The following UGP2 variants were observed in gnomAD, a reference collection of about 807,000 sequenced individuals.
The protein encoded by UGP2 is UDP-glucose pyrophosphorylase 2, also known as UTP--glucose-1-phosphate uridylyltransferase.
Under a neutral mutation model 49.0 loss-of-function variants are expected in UGP2, and 40 were observed. The observed-to-expected ratio is 0.82, with a 90% CI of 0.63 to 1.06. The LOEUF (loss-of-function observed/expected upper bound fraction) is 1.06. Among genes scored for constraint, UGP2 ranks in the 50% least tolerant of loss-of-function variants. The pLI is 0.00. For synonymous variants in UGP2, 225 were observed against 213.0 expected (o/e 1.06, Z -0.49); for missense variants, 460 against 603.5 (o/e 0.76, Z 2.49).
In UGP2 at chr2:63,885,571, A is replaced by C; in HGVS notation, c.576-18A>C. On this transcript the variant is annotated intron_variant, in intron 5 of 9. Transcript: ENST00000337130. ...TCTACAGGGTCAATATTGAAAAAGA[A>C]CTTTTTTTTTTTTAAAGGTACCCGA... The C allele has an allele frequency of 6.7e-7, 1 of 1,483,986 alleles. No individual in the cohort carries two copies. Among genetic ancestry groups the C allele is most frequent in the Non-Finnish European group, 9.0e-7 (1 of 1,109,022 alleles). 91.9% of individuals were successfully genotyped at this position (1,483,986 alleles called of 1,614,324 possible). A position where few individuals can be genotyped will look rare whatever the true frequency, so the allele number is the denominator to read the frequency against.
rs1279055317 is a variant in UGP2 at position 63,842,101 on chromosome 2, C to G, written c.-85C>G. 8 of 1,479,490 alleles carry G rather than the reference C, an allele frequency of 5.4e-6. No homozygotes were observed. In the East Asian group the frequency reaches 1.4e-4, roughly 25 times the overall value. 91.6% of individuals were successfully genotyped at this position (1,479,490 alleles called of 1,614,324 possible). On this transcript the variant is annotated 5_prime_UTR_variant, in exon 1 of 10. Transcript: ENST00000337130. Reference sequence around the variant, plus strand: ...AGAAAGAATACATCGGTTGTTAAAGCAGGAGAGGAAGAGAGACCTGCCCTG... The same window carrying G: ...AGAAAGAATACATCGGTTGTTAAAGGAGGAGAGGAAGAGAGACCTGCCCTG...
chr2:63,856,720 A>G, intron 2 of UGP2: 1 of 490,634 alleles, frequency 2.0e-6, no homozygotes, highest in South Asian at 1.6e-5. Flanking sequence ...TTGGGTGGAG[A>G]AATGCATACC....
intron 1 of UGP2, chr2:63,855,381 G>T: frequency 2.1e-6 from 1 of 475,986 alleles, no homozygotes; most frequent in East Asian, 6.0e-5. Context: ...AAGGATAGAA[G>T]GGGAAGGGTG....
chr2:63,859,292 A>T (rs929436339), intron 3 of UGP2: 1 of 152,036 alleles, frequency 6.6e-6, no homozygotes, highest in African/African-American at 2.4e-5. Flanking sequence ...ACTGTTCCTG[A>T]CAGTGGTTTT....
intron 1 of UGP2, among the ~76,000 whole-genome samples, chr2:63,848,055 C>T (rs1454653885): frequency 6.6e-6 from 1 of 152,058 alleles, no homozygotes; most frequent in African/African-American, 2.4e-5. Context: ...TCCTGATATC[C>T]AGCATTTATA....
rs745415164 is a variant in UGP2 at position 63,891,255 on chromosome 2, A to T, written c.*28A>T. On this transcript the variant is annotated 3_prime_UTR_variant, in exon 10 of 10. Coordinates refer to ENST00000337130, the MANE Select transcript of UGP2 (RefSeq NM_006759.4). ...TGAAAAATACTGTGGACACTTAAATAATGGGCTAGTTTCTTACAATGAAAT... is the reference window on the plus strand; with the variant it reads ...TGAAAAATACTGTGGACACTTAAATTATGGGCTAGTTTCTTACAATGAAAT... 3 of 1,561,410 alleles carry T rather than the reference A, an allele frequency of 1.9e-6. No individual in the cohort carries two copies. The East Asian group carries it at 6.7e-5, about 35-fold the overall frequency.
intron 3 of UGP2, among the ~76,000 whole-genome samples, chr2:63,867,518 G>A (rs145316462): frequency 1.3e-5 from 2 of 152,198 alleles, no homozygotes; most frequent in South Asian, 2.1e-4. Flanking sequence ...GGATGCTATC[G>A]TTACACATTC....
At chr2:63,846,920 G>T (rs980591559) in intron 1 of UGP2, among the ~76,000 whole-genome samples, 2 of 152,034 alleles carry the variant, frequency 1.3e-5, no homozygotes, top group African/African-American at 4.8e-5. Context: ...GAAGAGAAGG[G>T]TTTAGTTAAA....
chr2:63,875,518 A>G (rs1220983217), intron 3 of UGP2, among the ~76,000 whole-genome samples: 1 of 152,236 alleles, frequency 6.6e-6, no homozygotes, highest in East Asian at 1.9e-4. Context: ...TTGGCAAGGT[A>G]CAGATCATGG....
chr2:63,843,923 T>C (rs534572272), intron 1 of UGP2, among the ~76,000 whole-genome samples: 4 of 152,342 alleles, frequency 2.6e-5, no homozygotes, highest in Admixed American at 2.6e-4. Context: ...CTTACTGTGT[T>C]GTCCACGCTG....
chr2:63,862,025 A>G (rs572131764), intron 3 of UGP2, among the ~76,000 whole-genome samples: 4 of 152,150 alleles, frequency 2.6e-5, no homozygotes, highest in African/African-American at 7.2e-5. Flanking sequence ...TACACTGTGC[A>G]TTTAAAGTTT....
Position 63,887,443 on chromosome 2 carries a change from A to AG in UGP2, c.1114dup (p.Val372GlyfsTer9). The AG allele has an allele frequency of 6.2e-7, 1 of 1,614,074 alleles. No homozygotes were observed. The highest frequency in any genetic ancestry group is 1.3e-5 in the African/African-American group (1 of 75,020). ...TGAATGTCATTCAATTAGAAACTGC[A>AG]GTAGGGGCTGCCATCAAAAGTTTTG... is the stretch of plus-strand genomic sequence containing the variant. On this transcript the variant is annotated frameshift_variant, in exon 8 of 10. Transcript: ENST00000337130. LOFTEE classifies it high-confidence loss of function.
chr2:63,881,918 CA>C (rs1442213877), intron 3 of UGP2, among the ~76,000 whole-genome samples: 3 of 152,140 alleles, frequency 2.0e-5, no homozygotes, highest in Admixed American at 2.0e-4. Context: ...AGAAGTTTGA[CA>C]AAAAGTCTAT....
chr2:63,890,679 G>A (rs1206286719), intron 9 of UGP2, among the ~76,000 whole-genome samples: 1 of 152,052 alleles, frequency 6.6e-6, no homozygotes, highest in Non-Finnish European at 1.5e-5. Context: ...TACATATATT[G>A]AATTTTATTG....
intron 1 of UGP2, chr2:63,855,275 C>G: frequency 3.0e-6 from 1 of 331,932 alleles, no homozygotes; most frequent in Non-Finnish European, 5.9e-6. Context: ...TGTGATTCTG[C>G]TAAATTAACA....
intron 8 of UGP2, chr2:63,887,906 T>G (rs1671800613): frequency 2.5e-6 from 1 of 403,528 alleles, no homozygotes; most frequent in Non-Finnish European, 4.5e-6. Flanking sequence ...AGACCAGTAC[T>G]GCTTTCATCA....
chr2:63,887,226 C>G (rs1262164304), intron 7 of UGP2, among the ~76,000 whole-genome samples, 176 bp from the exon 8 acceptor site: 6 of 151,354 alleles, frequency 4.0e-5, no homozygotes, highest in Non-Finnish European at 5.9e-5. Flanking sequence ...GATTGCGCCA[C>G]TGCACTCCAG....
intron 3 of UGP2, among the ~76,000 whole-genome samples, chr2:63,860,816 C>G (rs550847472): frequency 7.3e-6 from 1 of 136,908 alleles, no homozygotes; most frequent in East Asian, 2.3e-4. Flanking sequence ...GTTGTCTAGG[C>G]TGGTCTTAAA....
intron 1 of UGP2, among the ~76,000 whole-genome samples, chr2:63,847,492 A>G (rs1047139130): frequency 2.0e-5 from 3 of 152,208 alleles, no homozygotes; most frequent in Non-Finnish European, 4.4e-5. Context: ...TGAAGAGACC[A>G]CCAAATAGGC....
Sources: gnomAD v4.1 joint callset for allele counts (sites outside exome capture counted in the v4.1 genomes callset) on GRCh38, gnomAD v4.1.1 for gene constraint, MANE v1.5 for transcripts, NCBI Gene and HGNC (gene_info 2026-07-23, HGNC 2026-07-21) for gene names.